GRIP1: variants seen among roughly 807,000 people sequenced by gnomAD.
GRIP1 encodes the protein glutamate receptor interacting protein 1, also known as glutamate receptor-interacting protein 1.
A neutral mutation model predicts 129.9 loss-of-function variants in GRIP1; 45 were observed. The ratio of observed to expected loss-of-function variants is 0.35; its 90% CI spans 0.27 to 0.44. The LOEUF (loss-of-function observed/expected upper bound fraction) is 0.44. Ranked by LOEUF, GRIP1 falls within the 20% of genes least tolerant of loss-of-function variation. GRIP1 has a pLI of 1.00. For synonymous variants in GRIP1, 530 were observed against 520.8 expected (o/e 1.02, Z -0.24); for missense variants, 1,196 against 1,396.8 (o/e 0.86, Z 2.29).
chr12:66,623,992 C>A (rs1231796824), intron 1 of GRIP1, among the ~76,000 whole-genome samples: 2 of 151,980 alleles, frequency 1.3e-5, no homozygotes, highest in Admixed American at 1.3e-4. Context: ...TTTTTTGAAA[C>A]ACAGCTCCTT....
chr12:66,729,580 A>G (rs537999962), intron 1 of GRIP1, among the ~76,000 whole-genome samples: 19 of 152,048 alleles, frequency 1.2e-4, no homozygotes, highest in African/African-American at 4.6e-4. Context: ...ACCAGGATAC[A>G]TATTTTTTTT....
rs772753895 is a variant in GRIP1 at position 66,979,252 on chromosome 12, A to AAAAAAAAAC, written c.58+89797_58+89798insGTTTTTTTT. Among the ~76,000 whole-genome samples, 578 of 110,058 alleles carry AAAAAAAAAC rather than the reference A, an allele frequency of 5.3e-3. 16 individuals carry two copies. The highest frequency in any genetic ancestry group is 7.8e-3 in the Non-Finnish European group (431 of 55,612). The allele number at this position is 110,058 out of a possible 152,430, so 72.2% of individuals were successfully genotyped here. On this transcript the variant is annotated intron_variant, in intron 1 of 1. Transcript: ENST00000643019. ...AAAAAAAAAAAAAAAAAAAAAAAAA[A>AAAAAAAAAC]AACAAGCCCGTCATCCTGCAAGTAC...
chr12:66,473,015 G>A (rs997819091), intron 7 of GRIP1, among the ~76,000 whole-genome samples: 1 of 152,134 alleles, frequency 6.6e-6, no homozygotes, highest in Non-Finnish European at 1.5e-5. Context: ...GAACCAGGGA[G>A]CCAAGTGGTC....
In GRIP1 at chr12:66,406,553, A is replaced by T. The variant is rs116433542; in HGVS notation, c.1839-125T>A. ...AGGAAAAGAGGTTCAACTGTTTTTA[A>T]ATTGTACTTCATTGACAACTCCCTC... On this transcript the variant is annotated intron_variant, in intron 15 of 24. Coordinates refer to ENST00000359742, the MANE Select transcript of GRIP1 (RefSeq NM_001366722.1). The T allele has an allele frequency of 1.7e-3, 1,661 of 962,144 alleles. 20 individuals are homozygous for T. The African/African-American group carries it at 0.024, about 14-fold the overall frequency. 59.6% of individuals were successfully genotyped at this position (962,144 alleles called of 1,614,324 possible).
intron 13 of GRIP1, among the ~76,000 whole-genome samples, chr12:66,436,176 G>A (rs971026421): frequency 3.3e-5 from 5 of 152,068 alleles, no homozygotes; most frequent in East Asian, 3.9e-4. Context: ...GTAAACAAAG[G>A]TCTCCTTCTT....
chr12:66,695,644 A>C (rs2035131901), intron 1 of GRIP1, among the ~76,000 whole-genome samples: 1 of 152,218 alleles, frequency 6.6e-6, no homozygotes, highest in African/African-American at 2.4e-5. Flanking sequence ...TAGAGGTACA[A>C]AATTGAGGTT....
At chr12:66,988,113 T>C (rs1386274332) in intron 1 of GRIP1, among the ~76,000 whole-genome samples, 2 of 152,182 alleles carry the variant, frequency 1.3e-5, no homozygotes, top group African/African-American at 4.8e-5. Context: ...TAGTAGCAAA[T>C]TCTTCAAATC....
Position 66,905,328 on chromosome 12 carries a change from ATGTTTG to A in GRIP1, c.58+163716_58+163721del, listed in dbSNP as rs1457881245. ...CAAGCTCCTCACTTTCCATATGTGG[ATGTTTG>A]TGTTTGTGAGGTGTGAGTGCCTAGT... On this transcript the variant is annotated intron_variant, in intron 1 of 1. Transcript: ENST00000643019. Among the ~76,000 whole-genome samples, 7 of 152,228 alleles carry A rather than the reference ATGTTTG, an allele frequency of 4.6e-5. No individual in the cohort carries two copies. In the East Asian group the frequency reaches 1.4e-3, roughly 29 times the overall value.
rs146570962 is a variant in GRIP1, at chr12:66,765,116, T to C, written c.-420+38937A>G. On this transcript the variant is annotated intron_variant, in intron 1 of 4. Coordinates refer to the GRIP1 transcript ENST00000538373. ...AGGTAGATTTCCTTATCTCACTAAA[T>C]ATGTACCCTTCATTGAAATCACATT... 4.5e-3 allele frequency among the ~76,000 whole-genome samples: 662 copies of C among 148,232 alleles called. 3 individuals are homozygous for C. The highest frequency in any genetic ancestry group is 0.016 in the African/African-American group (635 of 40,468).
At chr12:66,788,073 T>C (rs910795632) in intron 1 of GRIP1, among the ~76,000 whole-genome samples, 1 of 151,994 alleles carries the variant, frequency 6.6e-6, no homozygotes, top group Non-Finnish European at 1.5e-5. Context: ...ACCCCTGCCA[T>C]AGGGGTGGTC....
chr12:66,490,551 T>C (rs2060077727), intron 7 of GRIP1, among the ~76,000 whole-genome samples: 1 of 152,092 alleles, frequency 6.6e-6, no homozygotes, highest in South Asian at 2.1e-4. Flanking sequence ...GGCAATACCA[T>C]TCAGGACATA....
At position 66,517,971 on chromosome 12, in the gene GRIP1, C is replaced by T. The variant is rs774911479; in HGVS notation, c.508G>A (p.Ala170Thr). ...NTFGFVIRGG[A>T]HDDRNKSRPV... ...CGAGATTTATTTCTATCATCATGTG[C>T]TCCCCCTAGCAAAGAAAAGGAACAG... The change falls in exon 6 of 25, where the codon GCA (alanine) becomes ACA (threonine). Residue 170 changes from alanine (A) to threonine (T), a missense_variant. This residue lies in a region of GRIP1 where 217 missense variants were observed against 224.8 expected (regional missense o/e 0.97). Coordinates refer to ENST00000359742, the MANE Select transcript of GRIP1 (RefSeq NM_001366722.1). 10 of 1,577,004 alleles carry T rather than the reference C, an allele frequency of 6.3e-6. No individual in the cohort carries two copies. In the East Asian group the frequency reaches 2.0e-4, roughly 32 times the overall value.
intron 1 of GRIP1, among the ~76,000 whole-genome samples, chr12:66,674,628 CT>C (rs1179309854): frequency 6.6e-6 from 1 of 152,124 alleles, no homozygotes; most frequent in Admixed American, 6.6e-5. Flanking sequence ...AATAAGATTA[CT>C]GGTTGTCTGA....
chr12:67,039,527 G>C (rs1419873857), intron 1 of GRIP1, among the ~76,000 whole-genome samples: 1 of 152,144 alleles, frequency 6.6e-6, no homozygotes, highest in East Asian at 1.9e-4. Context: ...TTAAACTATA[G>C]CCAGTATGGG....
intron 1 of GRIP1, among the ~76,000 whole-genome samples, chr12:66,632,261 G>GA (rs1565925904): frequency 6.6e-6 from 1 of 152,064 alleles, no homozygotes; most frequent in Non-Finnish European, 1.5e-5. Context: ...CTGCATGGGA[G>GA]AAAAAATAAA....
intron 15 of GRIP1, among the ~76,000 whole-genome samples, chr12:66,410,045 TC>T (rs2057332932): frequency 6.8e-6 from 1 of 146,650 alleles, no homozygotes; most frequent in Non-Finnish European, 1.5e-5. Context: ...GGTCAGGAGA[TC>T]GAGACCATCC....
At chr12:67,006,452 C>T (rs147764273) in intron 1 of GRIP1, among the ~76,000 whole-genome samples, 12 of 152,174 alleles carry the variant, frequency 7.9e-5, no homozygotes, top group African/African-American at 2.9e-4. Context: ...ATAGTCCCAG[C>T]TACCGGAGTG....
At chr12:66,412,463 G>T (rs1010684544) in intron 15 of GRIP1, among the ~76,000 whole-genome samples, 4 of 152,140 alleles carry the variant, frequency 2.6e-5, no homozygotes, top group African/African-American at 9.7e-5. Flanking sequence ...GGCCTACCTT[G>T]CAAGAGCTCT....
At chr12:66,360,502 A>G (rs1164487364) in intron 23 of GRIP1, among the ~76,000 whole-genome samples, 1 of 152,208 alleles carries the variant, frequency 6.6e-6, no homozygotes, top group Non-Finnish European at 1.5e-5. Flanking sequence ...CTGTTCTAAA[A>G]GAGCCAGTGA....
Sources: allele counts gnomAD v4.1 joint callset (sites outside exome capture counted in the v4.1 genomes callset), GRCh38; gene constraint gnomAD v4.1.1; regional missense constraint gnomAD v4.1.1; transcripts MANE v1.5; gene names NCBI Gene and HGNC (gene_info 2026-07-23, HGNC 2026-07-21).